Variants in ICA1 observed in about 807,000 individuals in gnomAD.
ICA1 encodes islet cell autoantigen 1.
A neutral mutation model predicts 71.0 loss-of-function variants in ICA1; 40 were observed. The observed-to-expected ratio is 0.56, with a 90% CI of 0.44 to 0.73. ICA1 has a LOEUF of 0.73. ICA1 is among the 30% of genes least tolerant of loss of function. The pLI is 0.00. For synonymous variants in ICA1, 207 were observed against 209.5 expected, an observed-to-expected ratio of 0.99 and a Z score of 0.10; for missense variants, 578 against 576.5, an observed-to-expected ratio of 1.00 and a Z score of -0.03.
rs545768255 is a variant in ICA1, at chr7:8,123,230, A to G, written c.1330+4643T>C. Reference sequence around the variant, plus strand: ...GACTCTTAGAGCTTAAAGTAGGGGGAAAAGAGGATATCATTGTTCTCCAAA... The same window carrying G: ...GACTCTTAGAGCTTAAAGTAGGGGGGAAAGAGGATATCATTGTTCTCCAAA... On this transcript the variant is annotated intron_variant, in intron 13 of 13. Transcript: ENST00000402384. This position sits in a 1 kb window ranked among gnomAD's most constrained non-coding sequence, Gnocchi z 4.1. Among the ~76,000 whole-genome samples the G allele has an allele frequency of 6.6e-5, 10 of 152,220 alleles. No homozygotes were observed. The South Asian group carries it at 1.9e-3, about 28-fold the overall frequency.
chr7:8,210,629 T>C (rs1220200539), intron 6 of ICA1, among the ~76,000 whole-genome samples: 2 of 113,372 alleles, frequency 1.8e-5, no homozygotes, highest in Non-Finnish European at 3.5e-5. Flanking sequence ...TCCATCCAAC[T>C]AAAAGTAGAC....
intron 6 of ICA1, among the ~76,000 whole-genome samples, chr7:8,204,978 A>T (rs554666985): frequency 2.9e-4 from 44 of 152,014 alleles, no homozygotes; most frequent in African/African-American, 1.0e-3. Context: ...AAATACACTA[A>T]GGATAAGGAA....
At position 8,184,163 on chromosome 7, in the gene ICA1, A is replaced by G. The variant is rs368042163; in HGVS notation, c.580-25511T>C. 1.0e-3 allele frequency among the ~76,000 whole-genome samples: 159 copies of G among 152,368 alleles called. 1 individual carries two copies. Among genetic ancestry groups the G allele is most frequent in the African/African-American group, 3.3e-3 (139 of 41,582 alleles). The stretch of plus-strand genomic sequence containing the variant: ...AGGTCATAATCACTGTGCCTTCTAA[A>G]TTGGCAAATGTGGTGCCTAGTCAAA... On this transcript the variant is annotated intron_variant, in intron 6 of 13. Coordinates refer to ENST00000402384, the MANE Select transcript of ICA1 (RefSeq NM_001136020.3).
chr7:8,224,137 A>G (rs1339582998), intron 4 of ICA1, among the ~76,000 whole-genome samples: 1 of 152,200 alleles, frequency 6.6e-6, no homozygotes, highest in Non-Finnish European at 1.5e-5. Context: ...TACCAGGCAG[A>G]GCAATGAGAG....
intron 6 of ICA1, among the ~76,000 whole-genome samples, chr7:8,175,190 G>C (rs574856867): frequency 6.6e-6 from 1 of 152,162 alleles, no homozygotes; most frequent in African/African-American, 2.4e-5. Flanking sequence ...CTTGCTCAAG[G>C]AGGGAGCAGG....
chr7:8,227,615 T>TTC, intron 4 of ICA1: 1 of 384,210 alleles, frequency 2.6e-6, no homozygotes, highest in Non-Finnish European at 5.0e-6. Context: ...CTTTTTTTTT[T>TTC]TTTTTTTTCT....
At chr7:8,228,482 A>G (rs1363896285) in intron 4 of ICA1, 119 bp downstream of exon 4, 1 of 525,034 alleles carries the variant, frequency 1.9e-6, no homozygotes, top group Non-Finnish European at 3.3e-6. Flanking sequence ...TCTCCTCCCA[A>G]CGCCTGAAGA....
intron 6 of ICA1, among the ~76,000 whole-genome samples, chr7:8,195,714 TC>T (rs1167081618): frequency 6.6e-6 from 1 of 151,654 alleles, no homozygotes; most frequent in Non-Finnish European, 1.5e-5. Flanking sequence ...GCACAGTGGC[TC>T]ATGCTTGCAA....
At position 8,123,712 on chromosome 7, in the gene ICA1, C is replaced by T. The variant is rs1393906166; in HGVS notation, c.1330+4161G>A. On this transcript the variant is annotated intron_variant, in intron 13 of 13. Coordinates refer to ENST00000402384, the MANE Select transcript of ICA1 (RefSeq NM_001136020.3). The surrounding 1 kb of genome is among the most constrained non-coding windows in gnomAD (Gnocchi z 4.1). ...TCTATCCCTGTGTGCGACCAGGATG[C>T]CCAGGCCAGGGTGTCATTACAAGTC... is the stretch of plus-strand genomic sequence containing the variant. Among the ~76,000 whole-genome samples, 1 of 152,220 alleles carries T rather than the reference C, an allele frequency of 6.6e-6. No homozygotes were observed. Among genetic ancestry groups the T allele is most frequent in the African/African-American group, 2.4e-5 (1 of 41,450 alleles).
At chr7:8,150,365 G>A (rs1037739379) in intron 8 of ICA1, among the ~76,000 whole-genome samples, 1 of 152,224 alleles carries the variant, frequency 6.6e-6, no homozygotes, top group African/African-American at 2.4e-5. Context: ...GACTTTTAAA[G>A]TTCTAAAGGG....
intron 13 of ICA1, among the ~76,000 whole-genome samples, chr7:8,116,889 C>A (rs1784963580): frequency 6.6e-6 from 1 of 152,166 alleles, no homozygotes; most frequent in South Asian, 2.1e-4. Flanking sequence ...ACTTTATGCC[C>A]CCCATTACAA....
chr7:8,117,813 C>T (rs1348426600), intron 13 of ICA1, among the ~76,000 whole-genome samples: 1 of 152,228 alleles, frequency 6.6e-6, no homozygotes, highest in Non-Finnish European at 1.5e-5. Context: ...AAGAATGCCA[C>T]TCAGTATATG....
At chr7:8,233,841 T>G (rs1801013208) in intron 2 of ICA1, among the ~76,000 whole-genome samples, 1 of 152,200 alleles carries the variant, frequency 6.6e-6, no homozygotes, top group African/African-American at 2.4e-5. Context: ...AACTTTAAAC[T>G]CTTCCATATA....
chr7:8,150,995 G>T (rs549753691), intron 8 of ICA1, among the ~76,000 whole-genome samples: 1 of 152,188 alleles, frequency 6.6e-6, no homozygotes, highest in African/African-American at 2.4e-5. Flanking sequence ...TTTGAAACAC[G>T]GAAAGAAGAA....
At chr7:8,116,988 G>A (rs1347537112) in intron 13 of ICA1, among the ~76,000 whole-genome samples, 1 of 152,146 alleles carries the variant, frequency 6.6e-6, no homozygotes, top group Non-Finnish European at 1.5e-5. Flanking sequence ...ATATGTCAAG[G>A]GAGAGACTAG....
intron 6 of ICA1, among the ~76,000 whole-genome samples, chr7:8,195,119 A>G (rs1454364120): frequency 2.6e-5 from 4 of 152,252 alleles, no homozygotes; most frequent in Non-Finnish European, 5.9e-5. Flanking sequence ...GCATATGAAA[A>G]AATGCCCAAT....
rs1164936278 is a variant in ICA1, at chr7:8,218,385, T to C, written c.499A>G (p.Arg167Gly). ...TCCTTCATCCATAATAGTGCTCCTC[T>C]ATATTCCGTCCTGCACTGTTCCATG... ...NRMEQCRTEY[R>G]GALLWMKDVS... The change falls in exon 6 of 14, where the codon AGA becomes GGA. Residue 167 changes from arginine to glycine, a missense_variant. Transcript: ENST00000402384. The C allele has an allele frequency of 1.9e-6, 3 of 1,614,018 alleles. No individual in the cohort carries two copies. Among genetic ancestry groups the C allele is most frequent in the Non-Finnish European group, 1.7e-6 (2 of 1,179,996 alleles).
At chr7:8,114,331 C>G (rs776702848) in intron 13 of ICA1, among the ~76,000 whole-genome samples, 9 of 152,176 alleles carry the variant, frequency 5.9e-5, no homozygotes, top group Non-Finnish European at 1.0e-4. Context: ...AAAAGCTGAT[C>G]AAACCCTCGG....
At chr7:8,136,341 A>T (rs1042847292) in intron 12 of ICA1, among the ~76,000 whole-genome samples, 5 of 152,212 alleles carry the variant, frequency 3.3e-5, no homozygotes, top group African/African-American at 1.2e-4. Context: ...CCATCCCTGG[A>T]TTAAGCTCTT....
Sources: gnomAD v4.1 joint callset for allele counts (sites outside exome capture counted in the v4.1 genomes callset) on GRCh38, gnomAD v4.1.1 for gene constraint, Gnocchi (gnomAD v3.1) non-coding constraint, MANE v1.5 for transcripts, NCBI Gene and HGNC (gene_info 2026-07-23, HGNC 2026-07-21) for gene names.